The following GCFC2 variants were observed in gnomAD, a reference collection of about 807,000 sequenced individuals.
GCFC2 encodes the protein GC-rich sequence DNA-binding factor 2.
In GCFC2, 102 loss-of-function variants were observed where a neutral mutation model predicts 99.4. That is an observed-to-expected ratio of 1.03 (90% CI 0.87 to 1.21). The LOEUF (loss-of-function observed/expected upper bound fraction) is 1.21, where lower values mean the gene tolerates loss of function less well. Among genes scored for constraint, GCFC2 ranks in the 50% most tolerant of loss-of-function variants. The pLI, the probability that GCFC2 is intolerant of heterozygous loss-of-function variation, is 0.00. For missense variants in GCFC2, 973 were observed against 920.9 expected, an observed-to-expected ratio of 1.06 and a Z score of -0.73; for synonymous variants, 338 against 316.8, an observed-to-expected ratio of 1.07 and a Z score of -0.71.
rs1387461346 is a variant in GCFC2 at position 75,702,216 on chromosome 2, C to A, written c.602G>T (p.Arg201Met). The A allele has an allele frequency of 1.2e-6, 2 of 1,605,752 alleles. No individual in the cohort carries two copies. The highest frequency in any genetic ancestry group is 2.2e-5 in the South Asian group (2 of 90,934). ...FTLRPQTLRQ[R>M]MAEESISRNE... is the part of the protein sequence containing the mutation. ...ATCCATACTTGATTCCTCAGCCATCCTTTGTCTAAGTGTTTGAGGTCTTAG... is the reference window on the plus strand; with the variant it reads ...ATCCATACTTGATTCCTCAGCCATCATTTGTCTAAGTGTTTGAGGTCTTAG... Residue 201 changes from arginine to methionine, a missense_variant, in exon 3 of 17, where the codon AGG (arginine) becomes ATG (methionine). Coordinates refer to ENST00000321027, the MANE Select transcript of GCFC2 (RefSeq NM_003203.5).
Position 75,689,110 on chromosome 2 carries a change from A to G in GCFC2, c.1455T>C (p.Tyr485=), listed in dbSNP as rs755091927. The G allele has an allele frequency of 1.9e-6, 3 of 1,597,564 alleles. No individual in the cohort carries two copies. Among genetic ancestry groups the G allele is most frequent in the South Asian group, 1.1e-5 (1 of 90,224 alleles). Residue 485 remains tyrosine, a synonymous_variant, in exon 10 of 17, where the codon TAT becomes TAC. Coordinates refer to ENST00000321027, the MANE Select transcript of GCFC2 (RefSeq NM_003203.5). The part of the protein sequence containing the change: ...QQWREKFPDS[Y]YEAFISLCIP... ...TGCATAAACTAATGAAAGCTTCATA[A>G]TAGGAGTCAGGAAACTTTTCTCGCC...
At chr2:75,698,870 G>C (rs1270180248) in intron 4 of GCFC2, among the ~76,000 whole-genome samples, 1 of 152,028 alleles carries the variant, frequency 6.6e-6, no homozygotes, top group Non-Finnish European at 1.5e-5. Flanking sequence ...AAATCAGTCA[G>C]GCATGGTGGT....
At chr2:75,691,312 T>C (rs1680059154) in intron 7 of GCFC2, among the ~76,000 whole-genome samples, 1 of 152,010 alleles carries the variant, frequency 6.6e-6, no homozygotes, top group African/African-American at 2.4e-5. Context: ...CTTATTGTAC[T>C]GTACTTATTC....
rs1396129330 is a variant in GCFC2, at chr2:75,689,968, C to T, written c.1339+1G>A. 1 of 1,526,580 alleles carries T rather than the reference C, an allele frequency of 6.6e-7. No individual in the cohort carries two copies. Among genetic ancestry groups the T allele is most frequent in the Non-Finnish European group, 9.0e-7 (1 of 1,107,842 alleles). 94.6% of individuals were successfully genotyped at this position (1,526,580 alleles called of 1,614,324 possible). On this transcript the variant is annotated splice_donor_variant, in intron 9 of 16. Transcript: ENST00000321027. LOFTEE classifies it high-confidence loss of function. The stretch of plus-strand genomic sequence containing the variant: ...GATATATTAGAAACTTGGTAACTGA[C>T]CTTGGCTTTTTTGGAAGTCAATCAT...
intron 11 of GCFC2, among the ~76,000 whole-genome samples, chr2:75,681,776 T>A (rs571630849): frequency 6.6e-6 from 1 of 151,992 alleles, no homozygotes; most frequent in African/African-American, 2.4e-5. Flanking sequence ...TGTCCGCCAC[T>A]GCTGAGGCTT....
chr2:75,680,263 A>AAGAATCACTCTGC lies in GCFC2; in HGVS notation c.1741_1742insGCAGAGTGATTCT (p.Leu581CysfsTer14). ...AAGAATCACTCTGCAATGTGTTATTAAACTTGTTGTCTGTGAGGTTGACAA... is the reference window on the plus strand; with the variant it reads ...AAGAATCACTCTGCAATGTGTTATTAAGAATCACTCTGCAACTTGTTGTCTGTGAGGTTGACAA... On this transcript the variant is annotated frameshift_variant, in exon 12 of 17. Transcript: ENST00000321027. LOFTEE classifies it high-confidence loss of function. 6.2e-7 allele frequency: 1 copy of AAGAATCACTCTGC among 1,607,156 alleles called. No homozygotes were observed.
At chr2:75,709,237 TAA>T (rs1340769382) in intron 1 of GCFC2, among the ~76,000 whole-genome samples, 2 of 152,210 alleles carry the variant, frequency 1.3e-5, no homozygotes, top group African/African-American at 2.4e-5. Context: ...TCTAAGAGTC[TAA>T]AAGAGGTCCA....
At chr2:75,710,402 C>T (rs189270880) in intron 1 of GCFC2, 189 bp downstream of exon 1, 1 of 1,325,096 alleles carries the variant, frequency 7.5e-7, no homozygotes, top group Non-Finnish European at 9.7e-7. Flanking sequence ...AAGGCAGATG[C>T]AGATAGCGGG....
At chr2:75,702,462 C>G (rs1381733212) in intron 2 of GCFC2, 39 bp from the exon 3 acceptor site, 9 of 1,520,224 alleles carry the variant, frequency 5.9e-6, no homozygotes, top group Non-Finnish European at 8.1e-6. Context: ...AAACCAAAGA[C>G]CAATGTAAGT....
chr2:75,680,978 A>G (rs1341907205), intron 11 of GCFC2, among the ~76,000 whole-genome samples: 2 of 152,164 alleles, frequency 1.3e-5, no homozygotes, highest in African/African-American at 4.8e-5. Flanking sequence ...TATTTTGTGG[A>G]TGAGATCCCA....
At position 75,694,432 on chromosome 2, in the gene GCFC2, A is replaced by C. The variant is rs1411640527; in HGVS notation, c.834-5T>G. Reference sequence around the variant, plus strand: ...GTTTCCTGTAGTAATGTTAATCTAAATAAATAAAATAAAAATTAGTTTATT... The same window carrying C: ...GTTTCCTGTAGTAATGTTAATCTAACTAAATAAAATAAAAATTAGTTTATT... On this transcript the variant is annotated splice_region_variant and splice_polypyrimidine_tract_variant and intron_variant, in intron 5 of 16. Transcript: ENST00000321027. 1.2e-5 allele frequency: 15 copies of C among 1,206,652 alleles called. No individual in the cohort carries two copies. The highest frequency in any genetic ancestry group is 1.6e-5 in the Non-Finnish European group (14 of 892,302). The allele number at this position is 1,206,652 out of a possible 1,614,324, so 74.7% of individuals were successfully genotyped here. A position where few individuals can be genotyped will look rare whatever the true frequency, so the allele number is the denominator to read the frequency against.
intron 12 of GCFC2, among the ~76,000 whole-genome samples, chr2:75,675,554 C>T (rs1301100650): frequency 5.9e-5 from 9 of 151,898 alleles, no homozygotes. Flanking sequence ...ACCAGCCTGG[C>T]CAACATGGTG....
In GCFC2 at chr2:75,670,531, G is replaced by A. The variant is rs898723315; in HGVS notation, c.1957-247C>T. 9 of 298,638 alleles carry A rather than the reference G, an allele frequency of 3.0e-5. No individual in the cohort carries two copies. The South Asian group carries it at 4.5e-4, about 15-fold the overall frequency. 18.5% of individuals were successfully genotyped at this position (298,638 alleles called of 1,614,324 possible). On this transcript the variant is annotated intron_variant, in intron 14 of 16. Coordinates refer to ENST00000321027, the MANE Select transcript of GCFC2 (RefSeq NM_003203.5). ...ATCTATCTCAAATAACTTCACTAGA[G>A]CCTTTCCAGATCAATAATCTTCCTT...
chr2:75,686,147 C>G (rs1003351162), intron 11 of GCFC2, among the ~76,000 whole-genome samples: 2 of 152,178 alleles, frequency 1.3e-5, no homozygotes, highest in African/African-American at 4.8e-5. Flanking sequence ...AAACTAGGCA[C>G]ATGCATTCTA....
chr2:75,688,239 C>T (rs1160890536), intron 10 of GCFC2, among the ~76,000 whole-genome samples: 1 of 152,084 alleles, frequency 6.6e-6, no homozygotes, highest in Non-Finnish European at 1.5e-5. Flanking sequence ...TAGTGTGTGC[C>T]GGAGCCTTTA....
At chr2:75,711,967 G>T (rs1196783772), upstream of GCFC2, among the ~76,000 whole-genome samples, 3 of 152,264 alleles carry the variant, frequency 2.0e-5, no homozygotes, top group East Asian at 5.8e-4. Flanking sequence ...CGAGCGCACG[G>T]CGCCGGACTG....
chr2:75,682,877 G>A (rs1042547880), intron 11 of GCFC2, among the ~76,000 whole-genome samples: 1 of 151,800 alleles, frequency 6.6e-6, no homozygotes, highest in African/African-American at 2.4e-5. Context: ...GAAATAAAGC[G>A]AGAAGACAAG....
chr2:75,688,371 C>A (rs1679912099), intron 10 of GCFC2, among the ~76,000 whole-genome samples: 1 of 152,174 alleles, frequency 6.6e-6, no homozygotes. Context: ...TTATTTCTGG[C>A]CCCTTCAATT....
chr2:75,672,710 G>T (rs1422028951), intron 13 of GCFC2, among the ~76,000 whole-genome samples: 1 of 152,152 alleles, frequency 6.6e-6, no homozygotes, highest in African/African-American at 2.4e-5. Context: ...CTCTGTGCTA[G>T]GCCCTGTTGT....
Sources: allele counts gnomAD v4.1 joint callset (sites outside exome capture counted in the v4.1 genomes callset), GRCh38; gene constraint gnomAD v4.1.1; transcripts MANE v1.5; gene names NCBI Gene and HGNC (gene_info 2026-07-23, HGNC 2026-07-21).